Variants in IQCM observed in about 807,000 individuals in gnomAD.
IQCM encodes IQ motif containing M, also known as IQ domain-containing protein M.
Under a neutral mutation model 57.6 loss-of-function variants are expected in IQCM, and 45 were observed. The observed-to-expected ratio is 0.78, with a 90% CI of 0.62 to 1.00. IQCM has a LOEUF of 1.00. Among genes scored for constraint, IQCM ranks in the 50% least tolerant of loss-of-function variants. IQCM has a pLI of 0.00. For missense variants in IQCM, 468 were observed against 511.6 expected, an observed-to-expected ratio of 0.91 and a Z score of 0.82; for synonymous variants, 148 against 158.9, an observed-to-expected ratio of 0.93 and a Z score of 0.51.
chr4:149,525,120 C>T (rs1232861100), intron 12 of IQCM, among the ~76,000 whole-genome samples: 5 of 151,754 alleles, frequency 3.3e-5, no homozygotes, highest in African/African-American at 1.2e-4. Flanking sequence ...CTTTCCTCAA[C>T]CCTAGGAGAT....
intron 7 of IQCM, among the ~76,000 whole-genome samples, chr4:149,677,662 A>T (rs1761867070): frequency 6.6e-6 from 1 of 152,028 alleles, no homozygotes; most frequent in Admixed American, 6.6e-5. Context: ...GGGAACCATG[A>T]TTTCCCCAAG....
intron 13 of IQCM, among the ~76,000 whole-genome samples, chr4:149,389,027 GCTTT>G (rs1219554368): frequency 4.6e-5 from 7 of 150,874 alleles, no homozygotes; most frequent in Admixed American, 4.6e-4. Context: ...ATTTATTTGT[GCTTT>G]TTTTGTCTCA....
Position 149,694,192 on chromosome 4 carries a change from C to T in IQCM, c.386-7724G>A, listed in dbSNP as rs114144934. ...CATAGATTTTTCAGTATCACTTTTACGTTTGCCAGTGCCATGGATTAATTT... is the reference window on the plus strand; with the variant it reads ...CATAGATTTTTCAGTATCACTTTTATGTTTGCCAGTGCCATGGATTAATTT... On this transcript the variant is annotated intron_variant, in intron 5 of 13. Transcript: ENST00000636793. Among the ~76,000 whole-genome samples the T allele has an allele frequency of 2.8e-3, 412 of 148,128 alleles. 6 individuals carry two copies. The highest frequency in any genetic ancestry group is 9.6e-3 in the African/African-American group (389 of 40,332).
chr4:149,687,694 T>A (rs1762646817), intron 5 of IQCM, among the ~76,000 whole-genome samples: 1 of 151,802 alleles, frequency 6.6e-6, no homozygotes, highest in South Asian at 2.1e-4. Context: ...GATGCTAACA[T>A]CCTTAACAAA....
chr4:149,400,065 G>C (rs1391942175), intron 13 of IQCM, among the ~76,000 whole-genome samples: 1 of 151,930 alleles, frequency 6.6e-6, no homozygotes, highest in East Asian at 1.9e-4. Context: ...TGTTGCTTAT[G>C]TTTTTTAACT....
rs926374507 is a variant in IQCM, at chr4:149,815,629, AG to A, written c.-117del. 1 of 152,020 alleles carries A rather than the reference AG, an allele frequency of 6.6e-6. No individual in the cohort carries two copies. Among genetic ancestry groups the A allele is most frequent in the African/African-American group, 2.4e-5 (1 of 41,438 alleles). 9.4% of individuals were successfully genotyped at this position (152,020 alleles called of 1,614,324 possible). Reference sequence around the variant, plus strand: ...CTGCCTTAGTTCCAACAAAACTTCTAGAAACAAATTCACTGCCCCAAAATCA... The same window carrying A: ...CTGCCTTAGTTCCAACAAAACTTCTAAAACAAATTCACTGCCCCAAAATCA... On this transcript the variant is annotated 5_prime_UTR_variant, in exon 1 of 14. Coordinates refer to ENST00000636793, the MANE Select transcript of IQCM (RefSeq NM_001363507.2).
chr4:149,500,810 A>T (rs1424580499), intron 12 of IQCM, among the ~76,000 whole-genome samples: 1 of 152,206 alleles, frequency 6.6e-6, no homozygotes, highest in Non-Finnish European at 1.5e-5. Flanking sequence ...TTAGAAGAAT[A>T]GATGAATAGC....
chr4:149,776,284 C>G (rs1771084901), intron 2 of IQCM, among the ~76,000 whole-genome samples: 1 of 152,114 alleles, frequency 6.6e-6, no homozygotes, highest in African/African-American at 2.4e-5. Context: ...AATCTATTTT[C>G]TTTCTGAAAA....
chr4:149,627,508 C>G (rs1391828178), intron 7 of IQCM, among the ~76,000 whole-genome samples: 1 of 152,182 alleles, frequency 6.6e-6, no homozygotes, highest in Non-Finnish European at 1.5e-5. Flanking sequence ...AAACAATTTA[C>G]ACACATTACC....
intron 3 of IQCM, among the ~76,000 whole-genome samples, chr4:149,741,897 A>G (rs1374358931): frequency 6.6e-6 from 1 of 152,200 alleles, no homozygotes; most frequent in East Asian, 1.9e-4. Context: ...TACAATGTGT[A>G]TACATGTTAA....
intron 12 of IQCM, among the ~76,000 whole-genome samples, chr4:149,526,626 T>C (rs968424365): frequency 6.6e-6 from 1 of 151,984 alleles, no homozygotes; most frequent in Admixed American, 6.6e-5. Flanking sequence ...GATTAATCCA[T>C]GTTTAATGTA....
At chr4:149,653,813 G>T (rs1282782315) in intron 7 of IQCM, among the ~76,000 whole-genome samples, 1 of 152,042 alleles carries the variant, frequency 6.6e-6, no homozygotes, top group Non-Finnish European at 1.5e-5. Flanking sequence ...TAATATAATT[G>T]TCCTTGGTTA....
intron 7 of IQCM, among the ~76,000 whole-genome samples, chr4:149,637,954 C>T (rs1293103755): frequency 6.6e-6 from 1 of 152,108 alleles, no homozygotes; most frequent in Admixed American, 6.6e-5. Flanking sequence ...AAAAATTGGA[C>T]TTAATCAAAA....
intron 12 of IQCM, among the ~76,000 whole-genome samples, chr4:149,513,403 T>C (rs907020737): frequency 6.6e-6 from 1 of 152,074 alleles, no homozygotes; most frequent in Admixed American, 6.6e-5. Context: ...TATTCCCTTA[T>C]AAATAGTAAA....
chr4:149,369,657 G>A (rs902766443), intron 13 of IQCM, among the ~76,000 whole-genome samples: 1 of 151,714 alleles, frequency 6.6e-6, no homozygotes, highest in Non-Finnish European at 1.5e-5. Flanking sequence ...TTGCCAAATC[G>A]CCTAAGAAGA....
At chr4:149,423,412 G>A (rs189856712) in intron 13 of IQCM, among the ~76,000 whole-genome samples, 42 of 152,102 alleles carry the variant, frequency 2.8e-4, no homozygotes, top group Non-Finnish European at 4.7e-4. Flanking sequence ...TTCCTCCCAC[G>A]ACACTTGGGG....
chr4:149,385,885 C>T (rs1489139579), intron 13 of IQCM, among the ~76,000 whole-genome samples: 5 of 152,228 alleles, frequency 3.3e-5, no homozygotes, highest in African/African-American at 2.4e-5. Flanking sequence ...CTATCATATA[C>T]TAAATGCTTA....
chr4:149,676,733 A>C (rs1761781198), intron 7 of IQCM, among the ~76,000 whole-genome samples: 1 of 152,100 alleles, frequency 6.6e-6, no homozygotes, highest in South Asian at 2.1e-4. Context: ...TTTTTTAAGC[A>C]AACGGATAGA....
At chr4:149,407,320 AT>A (rs1733055208) in intron 13 of IQCM, among the ~76,000 whole-genome samples, 1 of 152,128 alleles carries the variant, frequency 6.6e-6, no homozygotes, top group Non-Finnish European at 1.5e-5. Flanking sequence ...TTTGAAATTA[AT>A]TTTTAAACAA....
Sources: gnomAD v4.1 joint callset for allele counts (sites outside exome capture counted in the v4.1 genomes callset) on GRCh38, gnomAD v4.1.1 for gene constraint, MANE v1.5 for transcripts, NCBI Gene and HGNC (gene_info 2026-07-23, HGNC 2026-07-21) for gene names.